The following SPMIP7 variants were observed in gnomAD, a reference collection of about 807,000 sequenced individuals.
SPMIP7 encodes the protein protein SPMIP7.
At chr7:50,104,412 G>T in the SPMIP7 span, 2 of 1,460,654 alleles carry the variant, frequency 1.4e-6, no homozygotes, top group African/African-American at 1.4e-5. Context: ...AACATGTACA[G>T]TAAGATTTTC....
the SPMIP7 span, among the ~76,000 whole-genome samples, chr7:50,132,256 T>C: frequency 4.4e-4 from 67 of 152,244 alleles, no homozygotes; most frequent in East Asian, 0.013. Flanking sequence ...GCATCCTCCA[T>C]TCTTTTTCAC....
the SPMIP7 span, among the ~76,000 whole-genome samples, chr7:50,109,269 C>T: frequency 6.6e-6 from 1 of 152,108 alleles, no homozygotes; most frequent in Non-Finnish European, 1.5e-5. Flanking sequence ...ATAAACACAA[C>T]TTCATTCATG....
At chr7:50,152,664 TTTTATTTATTTA>T in the SPMIP7 span, among the ~76,000 whole-genome samples, 555 of 141,432 alleles carry the variant, frequency 3.9e-3, 3 homozygotes, top group South Asian at 0.01. Context: ...TTATCACACA[TTTTATTTATTTA>T]TTTATTTATT....
At chr7:50,109,917 A>T in the SPMIP7 span, among the ~76,000 whole-genome samples, 1 of 152,160 alleles carries the variant, frequency 6.6e-6, no homozygotes, top group Non-Finnish European at 1.5e-5. Context: ...TTATATTCTC[A>T]AATTTAGAAC....
At chr7:50,138,898 CTACCATTT>C in the SPMIP7 span, among the ~76,000 whole-genome samples, 1 of 151,864 alleles carries the variant, frequency 6.6e-6, no homozygotes, top group African/African-American at 2.4e-5. Flanking sequence ...TGTCAGAAAA[CTACCATTT>C]TATTGAACCA....
At chr7:50,158,360 T>A in the SPMIP7 span, among the ~76,000 whole-genome samples, 3 of 149,922 alleles carry the variant, frequency 2.0e-5, no homozygotes, top group South Asian at 6.4e-4. Context: ...AACCTCTGGA[T>A]GTGGCCCAGG....
the SPMIP7 span, chr7:50,134,385 TACAC>T: frequency 1.6e-5 from 8 of 504,056 alleles, no homozygotes; most frequent in Non-Finnish European, 2.0e-5. Flanking sequence ...TAAATATATA[TACAC>T]ACACACACAC....
the SPMIP7 span, among the ~76,000 whole-genome samples, chr7:50,140,553 G>T: frequency 6.6e-6 from 1 of 152,332 alleles, no homozygotes; most frequent in African/African-American, 2.4e-5. Context: ...CTCATTAACA[G>T]CATGGAAATA....
At chr7:50,113,923 A>G in the SPMIP7 span, among the ~76,000 whole-genome samples, 1 of 152,182 alleles carries the variant, frequency 6.6e-6, no homozygotes, top group Non-Finnish European at 1.5e-5. Context: ...AAAAACAGCT[A>G]GAGAAAAGAT....
the SPMIP7 span, among the ~76,000 whole-genome samples, chr7:50,118,878 C>T: frequency 6.6e-6 from 1 of 152,166 alleles, no homozygotes; most frequent in Admixed American, 6.5e-5. Flanking sequence ...TGGAAAACAT[C>T]GATTGACTCC....
chr7:50,139,274 G>A, the SPMIP7 span, among the ~76,000 whole-genome samples: 24 of 151,046 alleles, frequency 1.6e-4, no homozygotes, highest in Non-Finnish European at 3.0e-4. Context: ...ACTTGAACCC[G>A]GGAGACGGAG....
the SPMIP7 span, among the ~76,000 whole-genome samples, chr7:50,126,225 A>AG: frequency 6.6e-6 from 1 of 151,704 alleles, no homozygotes; most frequent in Admixed American, 6.6e-5. Context: ...ATCAATATAA[A>AG]AAATTACAGA....
the SPMIP7 span, among the ~76,000 whole-genome samples, chr7:50,145,618 G>GTATATA: frequency 0.012 from 335 of 27,582 alleles, 8 homozygotes; most frequent in Middle Eastern, 0.036. Context: ...ATATGTGTGT[G>GTATATA]TATATATATA....
At chr7:50,138,752 C>T in the SPMIP7 span, among the ~76,000 whole-genome samples, 1 of 139,894 alleles carries the variant, frequency 7.1e-6, no homozygotes, top group Admixed American at 7.7e-5. Flanking sequence ...TATAAAGTGA[C>T]CTTTAAATGG....
chr7:50,135,284 G>C, the SPMIP7 span, among the ~76,000 whole-genome samples: 18 of 152,244 alleles, frequency 1.2e-4, no homozygotes, highest in African/African-American at 4.1e-4. Flanking sequence ...CACTTCTCAC[G>C]CGTAGGAGTC....
chr7:50,134,529 A>AT, the SPMIP7 span, among the ~76,000 whole-genome samples: 2 of 152,184 alleles, frequency 1.3e-5, no homozygotes, highest in Admixed American at 6.5e-5. Flanking sequence ...GTTATTTGCA[A>AT]TGACTGTGTT....
the SPMIP7 span, chr7:50,129,759 G>A: frequency 2.6e-6 from 4 of 1,549,070 alleles, no homozygotes; most frequent in Non-Finnish European, 3.5e-6. Context: ...GAAATGTAAT[G>A]CAAAGGACTC....
the SPMIP7 span, among the ~76,000 whole-genome samples, chr7:50,099,798 T>C: frequency 2.6e-5 from 4 of 152,188 alleles, no homozygotes; most frequent in Non-Finnish European, 5.9e-5. Context: ...GCTGGGGTCC[T>C]GGATCAACTC....
the SPMIP7 span, among the ~76,000 whole-genome samples, chr7:50,109,598 C>T: frequency 6.6e-6 from 1 of 152,138 alleles, no homozygotes; most frequent in African/African-American, 2.4e-5. Flanking sequence ...TGTTCTCGAA[C>T]TCCTGACCTC....
Sources: gnomAD v4.1 joint callset for allele counts (sites outside exome capture counted in the v4.1 genomes callset) on GRCh38, gnomAD v4.1.1 for gene constraint, MANE v1.5 for transcripts, NCBI Gene and HGNC (gene_info 2026-07-23, HGNC 2026-07-21) for gene names.